The following LYPLAL1 variants were observed in gnomAD, a reference collection of about 807,000 sequenced individuals.
LYPLAL1 encodes the protein lysophospholipase-like protein 1.
A neutral mutation model predicts 19.7 loss-of-function variants in LYPLAL1; 23 were observed. The observed-to-expected ratio is 1.17, with a 90% confidence interval of 0.84 to 1.65. The LOEUF is 1.65. Among genes scored for constraint, LYPLAL1 ranks in the 40% most tolerant of loss-of-function variants. The probability of loss-of-function intolerance (pLI) is 0.00; values close to 1 mark genes in which losing one functional copy is unlikely to be tolerated. For synonymous variants in LYPLAL1, 119 were observed against 96.3 expected (o/e 1.24, Z -1.38); for missense variants, 355 against 279.4 (o/e 1.27, Z -1.93).
the LYPLAL1 span, among the ~76,000 whole-genome samples, chr1:219,234,489 A>G: frequency 6.6e-6 from 1 of 152,124 alleles, no homozygotes; most frequent in East Asian, 1.9e-4. Flanking sequence ...GGATTCCCAT[A>G]CTTATTTATG....
chr1:219,379,569 G>A, the LYPLAL1 span, among the ~76,000 whole-genome samples: 2 of 152,200 alleles, frequency 1.3e-5, no homozygotes, highest in African/African-American at 2.4e-5. Context: ...CTCAGGAAAT[G>A]TCTCATCAAA....
At chr1:219,443,084 G>GA in the LYPLAL1 span, among the ~76,000 whole-genome samples, 4,724 of 142,968 alleles carry the variant, frequency 0.033, 227 homozygotes, top group African/African-American at 0.11. Context: ...GTTTCTGCTG[G>GA]AAAAAAAAAA....
At chr1:219,217,603 C>T (rs1659341281), downstream of LYPLAL1, among the ~76,000 whole-genome samples, 1 of 152,102 alleles carries the variant, frequency 6.6e-6, no homozygotes, top group South Asian at 2.1e-4. Flanking sequence ...AGGAGACCTT[C>T]AATTATCTAC....
rs567218963 is a variant in LYPLAL1 at position 219,179,465 on chromosome 1, A to G, written c.191+219A>G. On this transcript the variant is annotated intron_variant, in intron 2 of 4. Transcript: ENST00000366928. ...TCCCTTTCTGTAAAGCATTCCCTAAAGCTCTGAATTTAAACTGTGTCCCAA... is the reference window on the plus strand; with the variant it reads ...TCCCTTTCTGTAAAGCATTCCCTAAGGCTCTGAATTTAAACTGTGTCCCAA... The G allele has an allele frequency of 6.5e-6, 3 of 461,376 alleles. No homozygotes were observed. The East Asian group carries it at 1.2e-4, about 19-fold the overall frequency. 28.6% of individuals were successfully genotyped at this position (461,376 alleles called of 1,614,324 possible). A position where few individuals can be genotyped will look rare whatever the true frequency, so the allele number is the denominator to read the frequency against.
chr1:219,292,745 C>A, the LYPLAL1 span, among the ~76,000 whole-genome samples: 1 of 152,156 alleles, frequency 6.6e-6, no homozygotes, highest in Non-Finnish European at 1.5e-5. Flanking sequence ...GGTAGGCCCT[C>A]TGTTTCTAAT....
chr1:219,353,617 A>G, the LYPLAL1 span, among the ~76,000 whole-genome samples: 20 of 152,342 alleles, frequency 1.3e-4, no homozygotes, highest in African/African-American at 4.8e-4. Flanking sequence ...AATAAGCATG[A>G]AAGGATAAAG....
intron 2 of LYPLAL1, among the ~76,000 whole-genome samples, chr1:219,181,673 G>C (rs1252105652): frequency 6.6e-6 from 1 of 152,108 alleles, no homozygotes; most frequent in Non-Finnish European, 1.5e-5. Flanking sequence ...TCTTCCATGG[G>C]CGTTAGATAT....
chr1:219,323,245 T>C, the LYPLAL1 span, among the ~76,000 whole-genome samples: 1 of 152,102 alleles, frequency 6.6e-6, no homozygotes. Flanking sequence ...GAATTGAAAG[T>C]ATACTGAAAA....
chr1:219,441,519 A>G, the LYPLAL1 span, among the ~76,000 whole-genome samples: 1 of 152,200 alleles, frequency 6.6e-6, no homozygotes, highest in Admixed American at 6.5e-5. Context: ...TATTCTCTAT[A>G]TTTTTGAATG....
At chr1:219,292,738 A>G in the LYPLAL1 span, among the ~76,000 whole-genome samples, 2 of 152,196 alleles carry the variant, frequency 1.3e-5, no homozygotes, top group Non-Finnish European at 2.9e-5. Flanking sequence ...CAAGTAAGGT[A>G]GGCCCTCTGT....
chr1:219,248,140 A>G, the LYPLAL1 span, among the ~76,000 whole-genome samples: 1 of 152,220 alleles, frequency 6.6e-6, no homozygotes, highest in Non-Finnish European at 1.5e-5. Flanking sequence ...AACATATGAA[A>G]CATTGAAGTT....
chr1:219,442,872 C>T, the LYPLAL1 span, among the ~76,000 whole-genome samples: 1 of 152,094 alleles, frequency 6.6e-6, no homozygotes, highest in African/African-American at 2.4e-5. Flanking sequence ...TATCTTCCGA[C>T]TTCAAAGATT....
the LYPLAL1 span, among the ~76,000 whole-genome samples, chr1:219,283,138 C>T: frequency 6.6e-6 from 1 of 152,014 alleles, no homozygotes; most frequent in Non-Finnish European, 1.5e-5. Flanking sequence ...GGCCACACAT[C>T]TAGTAAACAA....
chr1:219,238,262 C>T, the LYPLAL1 span, among the ~76,000 whole-genome samples: 29 of 149,684 alleles, frequency 1.9e-4, no homozygotes, highest in African/African-American at 7.2e-4. Context: ...CTCAGCCTCC[C>T]GAGTAGCTGG....
In LYPLAL1 at chr1:219,202,308, A is replaced by G. The variant is rs76980196; in HGVS notation, c.362-8224A>G. Among the ~76,000 whole-genome samples the G allele has an allele frequency of 1.8e-4, 27 of 152,328 alleles. No homozygotes were observed. In the East Asian group the frequency reaches 5.2e-3, roughly 29 times the overall value. ...CATTATTACATACTTCATACCACCC[A>G]TCCTATGGTCACCTGGATAGCAAAA... On this transcript the variant is annotated intron_variant, in intron 3 of 4. Transcript: ENST00000366928.
the LYPLAL1 span, among the ~76,000 whole-genome samples, chr1:219,367,582 C>T: frequency 2.0e-5 from 3 of 151,856 alleles, no homozygotes; most frequent in South Asian, 6.2e-4. Context: ...AGGCCATCAT[C>T]GAGTATTCTC....
chr1:219,205,609 T>G (rs1451657055), intron 3 of LYPLAL1, among the ~76,000 whole-genome samples: 3 of 152,218 alleles, frequency 2.0e-5, no homozygotes, highest in African/African-American at 7.2e-5. Context: ...AAGAAACATT[T>G]TGTACAATGG....
intron 1 of LYPLAL1, among the ~76,000 whole-genome samples, chr1:219,177,610 T>A (rs1165647117): frequency 6.6e-6 from 1 of 152,220 alleles, no homozygotes. Context: ...CTGTTAGTCA[T>A]CCATGAGACC....
chr1:219,340,081 A>G, the LYPLAL1 span, among the ~76,000 whole-genome samples: 10 of 152,076 alleles, frequency 6.6e-5, no homozygotes, highest in Non-Finnish European at 1.3e-4. Flanking sequence ...GTGCTGATGA[A>G]AAAAATGTAT....
Sources: allele counts gnomAD v4.1 joint callset (sites outside exome capture counted in the v4.1 genomes callset), GRCh38; gene constraint gnomAD v4.1.1; transcripts MANE v1.5; gene names NCBI Gene and HGNC (gene_info 2026-07-23, HGNC 2026-07-21).